The following CCDC82 variants were observed in gnomAD, a reference collection of about 807,000 sequenced individuals.
CCDC82 encodes coiled-coil domain-containing protein 82.
CCDC82 carries 47 observed loss-of-function variants against 60.6 expected under a neutral mutation model. That is an observed-to-expected ratio of 0.77 (90% CI 0.61 to 0.99). The LOEUF (loss-of-function observed/expected upper bound fraction) is 0.99. Among genes scored for constraint, CCDC82 ranks in the 50% least tolerant of loss-of-function variants. The pLI is 0.00. For synonymous variants in CCDC82, 212 were observed against 207.4 expected (o/e 1.02, Z -0.19); for missense variants, 588 against 633.0 (o/e 0.93, Z 0.76).
At chr11:96,383,225 T>C (rs772110099) in intron 5 of CCDC82, 44 bp downstream of exon 5, 11 of 1,105,112 alleles carry the variant, frequency 1.0e-5, no homozygotes, top group South Asian at 7.5e-5. Context: ...TGATAAAATA[T>C]CATGAGAACA....
chr11:96,383,961 C>T lies in CCDC82; in HGVS notation c.786+1G>A, dbSNP rs1285560417. 1 of 1,601,148 alleles carries T rather than the reference C, an allele frequency of 6.2e-7. No homozygotes were observed. Among genetic ancestry groups the T allele is most frequent in the Non-Finnish European group, 8.5e-7 (1 of 1,175,370 alleles). On this transcript the variant is annotated splice_donor_variant, in intron 4 of 9. Coordinates refer to ENST00000646818, the MANE Select transcript of CCDC82 (RefSeq NM_024725.4). LOFTEE classifies it high-confidence loss of function. ...AACAAATCCAACAAAATATAACACA[C>T]CTCAAAATCTCTACCACTACTGCGT...
rs1214968324 is a variant in CCDC82, at chr11:96,353,736, T to C, written c.1567-22A>G. 3.2e-6 allele frequency: 5 copies of C among 1,571,306 alleles called. No homozygotes were observed. The East Asian group carries it at 1.1e-4, about 35-fold the overall frequency. ...ATTTCTGCATATACAATAGAAAAGC[T>C]AGTTATTTTACTCAAAGCAATGAAG... On this transcript the variant is annotated intron_variant, in intron 9 of 9. Transcript: ENST00000646818.
rs759395349 is a variant in CCDC82 at position 96,387,607 on chromosome 11, A to G, written c.-132T>C. 3 of 152,258 alleles carry G rather than the reference A, an allele frequency of 2.0e-5. No homozygotes were observed. Among genetic ancestry groups the G allele is most frequent in the African/African-American group, 4.8e-5 (2 of 41,458 alleles). 9.4% of individuals were successfully genotyped at this position (152,258 alleles called of 1,614,324 possible). ...TTGATTCCCCGTCCAGTGCCACACA[A>G]TGACGGCTGCCAATATCACATTTGT... On this transcript the variant is annotated 5_prime_UTR_variant, in exon 2 of 10. Coordinates refer to ENST00000646818, the MANE Select transcript of CCDC82 (RefSeq NM_024725.4).
intron 9 of CCDC82, chr11:96,357,377 A>T: frequency 1.0e-6 from 1 of 985,282 alleles, no homozygotes; most frequent in Non-Finnish European, 1.2e-6. Flanking sequence ...AATACCTTCA[A>T]TGCCTAATGC....
At chr11:96,356,835 C>T in intron 9 of CCDC82, 1 of 985,192 alleles carries the variant, frequency 1.0e-6, no homozygotes, top group Non-Finnish European at 1.2e-6. Context: ...CATGCTGAGA[C>T]ATCCTGAGAT....
At chr11:96,378,103 A>G (rs1270417112) in intron 5 of CCDC82, among the ~76,000 whole-genome samples, 4 of 151,882 alleles carry the variant, frequency 2.6e-5, no homozygotes, top group Non-Finnish European at 4.4e-5. Context: ...CTTCTCCTTT[A>G]TAACTATTTT....
At chr11:96,374,822 T>C (rs1212280465) in intron 5 of CCDC82, among the ~76,000 whole-genome samples, 6 of 152,052 alleles carry the variant, frequency 3.9e-5, no homozygotes, top group Admixed American at 3.9e-4. Context: ...CCAGATATGT[T>C]ATAAGCAAGT....
chr11:96,386,791 T>A (rs2136222804), intron 2 of CCDC82: 1 of 152,338 alleles, frequency 6.6e-6, no homozygotes, highest in East Asian at 1.9e-4. Context: ...TACCCTTGGG[T>A]TGCATCTTAC....
intron 4 of CCDC82, among the ~76,000 whole-genome samples, chr11:96,383,714 T>G (rs1866006528): frequency 6.6e-6 from 1 of 151,794 alleles, no homozygotes; most frequent in South Asian, 2.1e-4. Flanking sequence ...TTATAAGAAG[T>G]TAAAAACAAG....
chr11:96,373,180 C>T (rs1276885869), intron 6 of CCDC82, among the ~76,000 whole-genome samples, 195 bp downstream of exon 6: 1 of 152,166 alleles, frequency 6.6e-6, no homozygotes, highest in Admixed American at 6.5e-5. Context: ...TTCCACATAT[C>T]TCAGATAATG....
intron 5 of CCDC82, chr11:96,382,973 G>A (rs1456152264): frequency 2.1e-5 from 5 of 242,646 alleles, no homozygotes; most frequent in East Asian, 8.0e-5. Context: ...ATTTACTAAG[G>A]ATTATTTTAA....
chr11:96,371,069 C>T lies in CCDC82; in HGVS notation c.1153G>A (p.Val385Ile). 6.2e-7 allele frequency: 1 copy of T among 1,607,702 alleles called. No homozygotes were observed. Among genetic ancestry groups the T allele is most frequent in the Non-Finnish European group, 8.5e-7 (1 of 1,177,258 alleles). Residue 385 changes from valine (V) to isoleucine (I), a missense_variant, in exon 7 of 10, where the codon GTT becomes ATT. By Grantham distance (29) the Val-to-Ile change is conservative. Transcript: ENST00000646818. ...TSLHYLDNRFVQPRLESLVSR... is the reference protein window; with the variant it reads ...TSLHYLDNRFIQPRLESLVSR... ...ACCAAGCTCTCTAGACGAGGCTGAA[C>T]AAAGCGGTTATCCAAATAATGAAGA...
intron 7 of CCDC82, among the ~76,000 whole-genome samples, chr11:96,365,980 T>C (rs1864925000): frequency 6.6e-6 from 1 of 152,366 alleles, no homozygotes; most frequent in East Asian, 1.9e-4. Flanking sequence ...CTTTTTATAT[T>C]ATATGATTGA....
At position 96,384,364 on chromosome 11, in the gene CCDC82, T is replaced by G. The variant is rs1309155347; in HGVS notation, c.384A>C (p.Lys128Asn). Residue 128 changes from lysine (K) to asparagine (N), a missense_variant, in exon 4 of 10, where the codon AAA becomes AAC. Lys to Asn is a moderately conservative substitution (Grantham distance 94). Coordinates refer to ENST00000646818, the MANE Select transcript of CCDC82 (RefSeq NM_024725.4). ...GATCATTATCCTCTTGACTTAAATG[T>G]TTTTCCTGATCTTGTAAGTCAATAT... ...HRNIDLQDQEKHLSQEDNDLN... is the reference protein window; with the variant it reads ...HRNIDLQDQENHLSQEDNDLN... 3 of 1,613,710 alleles carry G rather than the reference T, an allele frequency of 1.9e-6. No individual in the cohort carries two copies. Among genetic ancestry groups the G allele is most frequent in the Non-Finnish European group, 2.5e-6 (3 of 1,179,850 alleles).
intron 6 of CCDC82, among the ~76,000 whole-genome samples, chr11:96,372,137 C>A (rs1366315227): frequency 6.6e-6 from 1 of 152,108 alleles, no homozygotes; most frequent in East Asian, 1.9e-4. Flanking sequence ...CTTGAACACA[C>A]CAAACTTACT....
intron 9 of CCDC82, chr11:96,356,559 T>C: frequency 1.0e-6 from 1 of 985,224 alleles, no homozygotes; most frequent in Non-Finnish European, 1.2e-6. Flanking sequence ...CACTTTCTTC[T>C]TAATGAACAA....
Position 96,384,765 on chromosome 11 carries a change from T to C in CCDC82, c.-14-4A>G, listed in dbSNP as rs1866098866. On this transcript the variant is annotated splice_polypyrimidine_tract_variant and splice_region_variant and intron_variant, in intron 3 of 9. Transcript: ENST00000646818. ...TGTATCATTTTCACTTAAGCTTCTA[T>C]AAAATAAAGTTGTTAGGAATATAAC... 1 of 1,543,826 alleles carries C rather than the reference T, an allele frequency of 6.5e-7. No homozygotes were observed. The highest frequency in any genetic ancestry group is 1.3e-5 in the South Asian group (1 of 79,726).
intron 7 of CCDC82, among the ~76,000 whole-genome samples, chr11:96,370,311 G>T (rs977947633): frequency 5.3e-5 from 8 of 151,698 alleles, no homozygotes; most frequent in Non-Finnish European, 7.4e-5. Context: ...GAAGTAACAG[G>T]GAGAAAACCC....
At chr11:96,371,601 C>T (rs1004443944) in intron 6 of CCDC82, among the ~76,000 whole-genome samples, 1 of 152,156 alleles carries the variant, frequency 6.6e-6, no homozygotes, top group Non-Finnish European at 1.5e-5. Flanking sequence ...CCTTTGTAAG[C>T]ATCAAGCTTT....
Sources: gnomAD v4.1 joint callset for allele counts (sites outside exome capture counted in the v4.1 genomes callset) on GRCh38, gnomAD v4.1.1 for gene constraint, MANE v1.5 for transcripts, NCBI Gene and HGNC (gene_info 2026-07-23, HGNC 2026-07-21) for gene names.